COL24A1: variants seen among roughly 807,000 people sequenced by gnomAD.
COL24A1 encodes the protein collagen alpha-1(XXIV) chain.
In COL24A1, 224 loss-of-function variants were observed where a neutral mutation model predicts 253.9. The observed-to-expected ratio is 0.88, with a 90% CI of 0.79 to 0.99. COL24A1 has a LOEUF of 0.99. Ranked by LOEUF, COL24A1 falls within the 50% of genes least tolerant of loss-of-function variation. COL24A1 has a pLI of 0.00. For missense variants in COL24A1, 2,131 were observed against 2,068.5 expected (o/e 1.03, Z -0.59); for synonymous variants, 685 against 673.7 (o/e 1.02, Z -0.26).
At chr1:85,990,955 C>T (rs1694196286) in intron 19 of COL24A1, among the ~76,000 whole-genome samples, 1 of 151,912 alleles carries the variant, frequency 6.6e-6, no homozygotes. Flanking sequence ...TGTATTCCAG[C>T]CAGTAAGTGA....
chr1:86,156,541 A>G lies in COL24A1; in HGVS notation c.-145T>C. On this transcript the variant is annotated 5_prime_UTR_variant, in exon 1 of 60. Transcript: ENST00000370571. Reference sequence around the variant, plus strand: ...TCAAACCCGCAACAAGAAAAAAAGGAGGGGAGGGGGTGAAGTCGGGAGGAG... The same window carrying G: ...TCAAACCCGCAACAAGAAAAAAAGGGGGGGAGGGGGTGAAGTCGGGAGGAG... 1 of 656,538 alleles carries G rather than the reference A, an allele frequency of 1.5e-6. No homozygotes were observed. The highest frequency in any genetic ancestry group is 2.4e-6 in the Non-Finnish European group (1 of 424,778). 40.7% of individuals were successfully genotyped at this position (656,538 alleles called of 1,614,324 possible).
chr1:86,099,105 T>C (rs926854894), intron 5 of COL24A1, among the ~76,000 whole-genome samples: 2 of 152,210 alleles, frequency 1.3e-5, no homozygotes, highest in African/African-American at 4.8e-5. Flanking sequence ...TCCACCAGTA[T>C]GTGCTCTCTG....
At chr1:86,077,888 T>C (rs946666684) in intron 7 of COL24A1, among the ~76,000 whole-genome samples, 2 of 152,116 alleles carry the variant, frequency 1.3e-5, no homozygotes, top group Non-Finnish European at 2.9e-5. Context: ...CTAATGCAGA[T>C]GACAGGTTGA....
chr1:85,831,530 A>T (rs2102121217), intron 43 of COL24A1, among the ~76,000 whole-genome samples: 1 of 152,226 alleles, frequency 6.6e-6, no homozygotes. Flanking sequence ...ATTGACTATG[A>T]CCATTTTTCT....
At chr1:85,781,096 G>A in intron 52 of COL24A1, 124 bp downstream of exon 52, 1 of 669,524 alleles carries the variant, frequency 1.5e-6, no homozygotes, top group East Asian at 2.8e-5. Context: ...TTTTCCAGAA[G>A]AAAATGTATA....
intron 24 of COL24A1, among the ~76,000 whole-genome samples, chr1:85,941,835 C>G (rs1315329544): frequency 6.6e-6 from 1 of 152,060 alleles, no homozygotes; most frequent in Non-Finnish European, 1.5e-5. Flanking sequence ...CATGTGTGCT[C>G]TTTTGAGTGT....
intron 52 of COL24A1, among the ~76,000 whole-genome samples, chr1:85,780,890 A>G (rs1376567747): frequency 6.6e-6 from 1 of 152,088 alleles, no homozygotes; most frequent in African/African-American, 2.4e-5. Flanking sequence ...GGATGTCTGC[A>G]CATCTTTTGC....
chr1:86,131,141 T>C (rs1317388918), intron 2 of COL24A1, among the ~76,000 whole-genome samples: 1 of 152,026 alleles, frequency 6.6e-6, no homozygotes, highest in African/African-American at 2.4e-5. Context: ...TTTTTCTCCT[T>C]ACAAGTGACT....
intron 37 of COL24A1, among the ~76,000 whole-genome samples, chr1:85,865,120 G>T (rs1679635719): frequency 6.6e-6 from 1 of 151,118 alleles, no homozygotes; most frequent in South Asian, 2.1e-4. Context: ...ATCTCATTCT[G>T]CAGTCCTCTA....
intron 22 of COL24A1, among the ~76,000 whole-genome samples, chr1:85,966,119 G>T (rs549327653): frequency 1.3e-5 from 2 of 152,192 alleles, no homozygotes; most frequent in East Asian, 3.9e-4. Flanking sequence ...TAGCAGAGTG[G>T]TAAGATTCTG....
At chr1:85,970,661 C>T (rs1327055417) in intron 21 of COL24A1, among the ~76,000 whole-genome samples, 1 of 152,086 alleles carries the variant, frequency 6.6e-6, no homozygotes, top group South Asian at 2.1e-4. Flanking sequence ...TACATACAGA[C>T]CTCCCTAGAA....
chr1:85,927,171 G>A (rs1388838458), intron 24 of COL24A1, among the ~76,000 whole-genome samples: 3 of 152,132 alleles, frequency 2.0e-5, no homozygotes, highest in Non-Finnish European at 4.4e-5. Context: ...CTGAGGTACC[G>A]GGTTCATCTC....
chr1:85,969,113 T>C (rs1049800012), intron 22 of COL24A1, among the ~76,000 whole-genome samples: 2 of 152,174 alleles, frequency 1.3e-5, no homozygotes, highest in African/African-American at 4.8e-5. Context: ...ATGGTTCTCC[T>C]GTTTTCGAAG....
At chr1:85,979,227 A>G (rs1693000237) in intron 20 of COL24A1, among the ~76,000 whole-genome samples, 1 of 152,200 alleles carries the variant, frequency 6.6e-6, no homozygotes, top group South Asian at 2.1e-4. Flanking sequence ...AAATGCCTAT[A>G]TCAAAAAGTC....
chr1:85,948,523 CAAA>C (rs751884453), intron 24 of COL24A1, among the ~76,000 whole-genome samples: 17 of 63,610 alleles, frequency 2.7e-4, no homozygotes, highest in African/African-American at 9.9e-4. Flanking sequence ...GACTCCGTCT[CAAA>C]AAAAAAAAAA....
At chr1:85,845,949 T>C (rs566426255) in intron 39 of COL24A1, among the ~76,000 whole-genome samples, 78 of 151,950 alleles carry the variant, frequency 5.1e-4, no homozygotes, top group Admixed American at 5.2e-4. Flanking sequence ...TCAAACTTTT[T>C]TGTAAAATGA....
rs1355920197 is a variant in COL24A1, at chr1:86,125,634, G to A, written c.702C>T (p.Tyr234=). The A allele has an allele frequency of 6.2e-7, 1 of 1,613,060 alleles. No individual in the cohort carries two copies. Residue 234 remains tyrosine, a synonymous_variant, in exon 3 of 60, where the codon TAC becomes TAT. Coordinates refer to ENST00000370571, the MANE Select transcript of COL24A1 (RefSeq NM_152890.7). ...IIPSAEASAD[Y]CRYVKQQCRQ... is the part of the protein sequence containing the mutation. The stretch of plus-strand genomic sequence containing the variant: ...GACACTGCTGTTTCACATATCTGCA[G>A]TAGTCTGCAGATGCTTCTGCAGAAG...
At chr1:85,831,885 A>G (rs1675332115) in intron 43 of COL24A1, among the ~76,000 whole-genome samples, 2 of 151,996 alleles carry the variant, frequency 1.3e-5, no homozygotes, top group Admixed American at 1.3e-4. Flanking sequence ...AAATGATGAG[A>G]GCCTGATGGT....
At chr1:86,072,202 A>G (rs148953315) in intron 7 of COL24A1, among the ~76,000 whole-genome samples, 2,744 of 152,270 alleles carry the variant, frequency 0.018, 79 homozygotes, top group African/African-American at 0.063. Flanking sequence ...CAGGGAGCCA[A>G]GTGGTCTAGT....
Sources: gnomAD v4.1 joint callset for allele counts (sites outside exome capture counted in the v4.1 genomes callset) on GRCh38, gnomAD v4.1.1 for gene constraint, MANE v1.5 for transcripts, NCBI Gene and HGNC (gene_info 2026-07-23, HGNC 2026-07-21) for gene names.